UQCRC1: variants seen among roughly 807,000 people sequenced by gnomAD.
The protein encoded by UQCRC1 is ubiquinol-cytochrome c reductase core protein 1, also known as cytochrome b-c1 complex subunit 1, mitochondrial.
In UQCRC1, 34 loss-of-function variants were observed where a neutral mutation model predicts 58.0. That is an observed-to-expected ratio of 0.59 (90% confidence interval 0.45 to 0.78). UQCRC1 has a LOEUF of 0.78. UQCRC1 is among the 30% of genes least tolerant of loss of function. UQCRC1 has a pLI of 0.00. For synonymous variants in UQCRC1, 276 were observed against 248.8 expected (o/e 1.11, Z -1.03); for missense variants, 610 against 646.0 (o/e 0.94, Z 0.60).
intron 7 of UQCRC1, 38 bp from the exon 8 acceptor site, chr3:48,601,156 C>T (rs373589043): frequency 7.0e-6 from 11 of 1,577,098 alleles, no homozygotes; most frequent in Non-Finnish European, 7.8e-6. Context: ...AACAGCCAGA[C>T]TGCCAGGGGA....
chr3:48,607,941 C>T (rs762675732), intron 2 of UQCRC1, among the ~76,000 whole-genome samples: 1 of 152,162 alleles, frequency 6.6e-6, no homozygotes, highest in Non-Finnish European at 1.5e-5. Context: ...TCTCTTGCCT[C>T]AGTCTCCCCA....
rs767697688 is a variant in UQCRC1 at position 48,600,057 on chromosome 3, T to A, written c.1302+6A>T. ...CTCCAGAACCTCTCCCAGGGGTCCA[T>A]GTTACCGCAATCCGGCTTTCCCATT... is the stretch of plus-strand genomic sequence containing the variant. On this transcript the variant is annotated splice_donor_region_variant and intron_variant, in intron 11 of 12. Transcript: ENST00000203407. 6.2e-7 allele frequency: 1 copy of A among 1,614,130 alleles called. No individual in the cohort carries two copies.
chr3:48,599,938 G>T, intron 11 of UQCRC1, 125 bp downstream of exon 11: 2 of 1,250,582 alleles, frequency 1.6e-6, no homozygotes, highest in South Asian at 1.4e-5. Context: ...CCCTGCAGGT[G>T]ACAGCTGCCT....
intron 10 of UQCRC1, 142 bp downstream of exon 10, chr3:48,600,340 A>C: frequency 6.2e-6 from 7 of 1,135,462 alleles, no homozygotes; most frequent in Non-Finnish European, 7.7e-6. Context: ...ACCTGCCTGC[A>C]TCTCCAAGGG....
chr3:48,601,423 C>A lies in UQCRC1; in HGVS notation c.751G>T (p.Gly251Cys). The A allele has an allele frequency of 6.2e-7, 1 of 1,614,164 alleles. No individual in the cohort carries two copies. Among genetic ancestry groups the A allele is most frequent in the Non-Finnish European group, 8.5e-7 (1 of 1,180,042 alleles). The change falls in exon 7 of 13, where the codon GGT (glycine) becomes TGT (cysteine). Residue 251 changes from glycine (G) to cysteine (C), a missense_variant. Gly to Cys is a radical substitution (Grantham distance 159). Coordinates refer to ENST00000203407, the MANE Select transcript of UQCRC1 (RefSeq NM_003365.3). ...QLLDLAQKHL[G>C]GIPWTYAEDA... Reference sequence around the variant, plus strand: ...TCTGCATATGTCCATGGGATGCCACCGAGGTGCTTCTGGGCGAGGTCTAAC... The same window carrying A: ...TCTGCATATGTCCATGGGATGCCACAGAGGTGCTTCTGGGCGAGGTCTAAC...
chr3:48,604,256 C>G lies in UQCRC1; in HGVS notation c.603G>C (p.Val201=), dbSNP rs760207746. 22 of 1,612,774 alleles carry G rather than the reference C, an allele frequency of 1.4e-5. 1 individual carries two copies. Among genetic ancestry groups the G allele is most frequent in the Non-Finnish European group, 5.1e-6 (6 of 1,180,032 alleles). ...AFQGTPLAQA[V]EGPSENVRKL... The stretch of plus-strand genomic sequence containing the variant: ...ACCTGACATTCTCACTGGGCCCCTC[C>G]ACAGCCTGGGCTAGAGGTGTGCCCT... The change falls in exon 5 of 13, where the codon GTG becomes GTC. Residue 201 remains valine, a synonymous_variant. Coordinates refer to ENST00000203407, the MANE Select transcript of UQCRC1 (RefSeq NM_003365.3).
At chr3:48,602,802 C>T (rs1337922048) in intron 6 of UQCRC1, among the ~76,000 whole-genome samples, 3 of 152,128 alleles carry the variant, frequency 2.0e-5, no homozygotes, top group African/African-American at 4.8e-5. Context: ...GGATTACAGG[C>T]GTGAGCCACC....
chr3:48,600,194 C>T (rs1409938655), intron 10 of UQCRC1, 43 bp from the exon 11 acceptor site: 2 of 1,601,398 alleles, frequency 1.2e-6, no homozygotes, highest in Non-Finnish European at 1.7e-6. Flanking sequence ...CCAGCCCAAT[C>T]CTGGACCCAC....
chr3:48,607,263 A>C (rs2311006), intron 2 of UQCRC1, among the ~76,000 whole-genome samples: 2 of 151,858 alleles, frequency 1.3e-5, no homozygotes, highest in African/African-American at 2.4e-5. Flanking sequence ...GGATGGTCTC[A>C]ATCTCCTGAC....
intron 1 of UQCRC1, 50 bp from the exon 2 acceptor site, chr3:48,609,352 C>A: frequency 6.3e-7 from 1 of 1,577,852 alleles, no homozygotes. Context: ...GGATCGCTCC[C>A]CACCTCCCAG....
intron 6 of UQCRC1, among the ~76,000 whole-genome samples, chr3:48,602,404 A>C (rs2046374405): frequency 6.6e-6 from 1 of 151,754 alleles, no homozygotes; most frequent in Admixed American, 6.6e-5. Flanking sequence ...CTAGTCTGAC[A>C]CACACGTCAG....
At chr3:48,603,755 G>C in intron 5 of UQCRC1, 112 bp from the exon 6 acceptor site, 3 of 1,018,848 alleles carry the variant, frequency 2.9e-6, no homozygotes, top group Non-Finnish European at 4.4e-6. Context: ...TTTCTCCGAA[G>C]AGTGGGCCCT....
At chr3:48,604,156 T>C (rs1463230625) in intron 5 of UQCRC1, 77 bp downstream of exon 5, 1 of 1,526,864 alleles carries the variant, frequency 6.5e-7, no homozygotes, top group African/African-American at 1.4e-5. Flanking sequence ...GCTAGCCAAC[T>C]AAAAATGTGA....
chr3:48,608,945 G>T, intron 2 of UQCRC1, among the ~76,000 whole-genome samples: 1 of 152,256 alleles, frequency 6.6e-6, no homozygotes, highest in Non-Finnish European at 1.5e-5. Context: ...TACTTAACGG[G>T]CATTATATGC....
rs1312388796 is a variant in UQCRC1 at position 48,604,275 on chromosome 3, G to A, written c.584C>T (p.Thr195Ile). Residue 195 changes from threonine (T) to isoleucine (I), a missense_variant, in exon 5 of 13, where the codon ACA becomes ATA. Physicochemically the swap from Thr to Ile is moderately conservative, Grantham distance 89. Transcript: ENST00000203407. Reference sequence around the variant, plus strand: ...CCCCTCCACAGCCTGGGCTAGAGGTGTGCCCTGGAATGCTGTGGCATGCAG... The same window carrying A: ...CCCCTCCACAGCCTGGGCTAGAGGTATGCCCTGGAATGCTGTGGCATGCAG... Reference protein sequence around the residue: ...NYLHATAFQGTPLAQAVEGPS... With the variant: ...NYLHATAFQGIPLAQAVEGPS... 3.1e-6 allele frequency: 5 copies of A among 1,613,378 alleles called. No homozygotes were observed. Among genetic ancestry groups the A allele is most frequent in the Non-Finnish European group, 4.2e-6 (5 of 1,180,056 alleles).
chr3:48,602,680 G>A (rs1368471325), intron 6 of UQCRC1, among the ~76,000 whole-genome samples: 3 of 152,092 alleles, frequency 2.0e-5, no homozygotes, highest in Non-Finnish European at 2.9e-5. Context: ...CTGCCACCAA[G>A]CCTGGCTAAT....
Position 48,600,740 on chromosome 3 carries a change from G to A in UQCRC1, c.1067C>T (p.Ala356Val), listed in dbSNP as rs779151725. ...TTTCATTCGGTCACAGACAAAGTGTGCACCCAGCAAGCCCGTCTCTGCATA... is the reference window on the plus strand; with the variant it reads ...TTTCATTCGGTCACAGACAAAGTGTACACCCAGCAAGCCCGTCTCTGCATA... ...ICYAETGLLGAHFVCDRMKID... is the reference protein window; with the variant it reads ...ICYAETGLLGVHFVCDRMKID... The change falls in exon 9 of 13, where the codon GCA becomes GTA. Residue 356 changes from alanine (A) to valine (V), a missense_variant. Transcript: ENST00000203407. 10 of 1,614,034 alleles carry A rather than the reference G, an allele frequency of 6.2e-6. No homozygotes were observed. Among genetic ancestry groups the A allele is most frequent in the African/African-American group, 2.7e-5 (2 of 74,944 alleles).
intron 10 of UQCRC1, 75 bp downstream of exon 10, chr3:48,600,407 T>C: frequency 6.4e-7 from 1 of 1,567,660 alleles, no homozygotes; most frequent in Non-Finnish European, 8.8e-7. Context: ...CTTGGTTAGT[T>C]AGGAGCAGTG....
Position 48,600,979 on chromosome 3 carries a change from C to G in UQCRC1, c.962G>C (p.Gly321Ala), listed in dbSNP as rs1463684083. Residue 321 changes from glycine (G) to alanine (A), a missense_variant, in exon 8 of 13, where the codon GGC becomes GCC. Gly to Ala is a moderately conservative substitution (Grantham distance 60). Transcript: ENST00000203407. ...CATGCTCGCGCTGGCACTCACCACG[C>G]CACCACCATAAGTGCAGTCATAGTG... ...IGHYDCTYGG[G>A]VHLSSPLASG... The G allele has an allele frequency of 6.2e-7, 1 of 1,603,552 alleles. No individual in the cohort carries two copies. The highest frequency in any genetic ancestry group is 8.5e-7 in the Non-Finnish European group (1 of 1,171,944).
Sources: gnomAD v4.1 joint callset for allele counts (sites outside exome capture counted in the v4.1 genomes callset) on GRCh38, gnomAD v4.1.1 for gene constraint, MANE v1.5 for transcripts, NCBI Gene and HGNC (gene_info 2026-07-23, HGNC 2026-07-21) for gene names.